HELZ: variants seen among roughly 807,000 people sequenced by gnomAD.
The protein encoded by HELZ is ATP-dependent RNA helicase with zinc finger domain.
Under a neutral mutation model 218.2 loss-of-function variants are expected in HELZ, and 23 were observed. That is an observed-to-expected ratio of 0.11 (90% CI 0.08 to 0.15). The LOEUF (loss-of-function observed/expected upper bound fraction) is 0.15. Ranked by LOEUF, HELZ falls within the 10% of genes least tolerant of loss-of-function variation. The pLI is 1.00. For synonymous variants in HELZ, 814 were observed against 829.4 expected, an observed-to-expected ratio of 0.98 and a Z score of 0.32; for missense variants, 1,813 against 2,353.7, an observed-to-expected ratio of 0.77 and a Z score of 4.75.
At chr17:67,106,399 C>T (rs1363055821) in intron 31 of HELZ, among the ~76,000 whole-genome samples, 3 of 151,504 alleles carry the variant, frequency 2.0e-5, no homozygotes, top group Non-Finnish European at 4.4e-5. Flanking sequence ...GCTCAGCCTC[C>T]CGGGTTCACG....
At chr17:67,222,224 C>A (rs2040766585) in intron 3 of HELZ, among the ~76,000 whole-genome samples, 1 of 152,102 alleles carries the variant, frequency 6.6e-6, no homozygotes, top group Non-Finnish European at 1.5e-5. Context: ...ATTACTTTAC[C>A]TACTTGACAG....
chr17:67,226,192 G>A (rs570611898), intron 3 of HELZ, among the ~76,000 whole-genome samples: 1 of 150,362 alleles, frequency 6.7e-6, no homozygotes, highest in East Asian at 2.0e-4. Flanking sequence ...ACAGGAGGCG[G>A]AGGTTGCAGT....
chr17:67,151,254 C>T lies in HELZ; in HGVS notation c.2178-30G>A, dbSNP rs187686465. 1.0e-4 allele frequency: 161 copies of T among 1,544,922 alleles called. No individual in the cohort carries two copies. In the African/African-American group the frequency reaches 1.7e-3, roughly 16 times the overall value. ...AAAAGAAGAAAATATTTCTGATTTA[C>T]ATTTACTAATTTCTTAACAGTATCT... On this transcript the variant is annotated intron_variant, in intron 17 of 32. Transcript: ENST00000358691.
intron 4 of HELZ, among the ~76,000 whole-genome samples, chr17:67,216,516 C>A (rs989773731): frequency 1.2e-4 from 18 of 152,210 alleles, no homozygotes; most frequent in African/African-American, 4.1e-4. Flanking sequence ...ATCTCTCCCA[C>A]TAGCTACCAT....
Position 67,086,943 on chromosome 17 carries a change from A to G in HELZ, c.5380T>C (p.Ser1794Pro). 6.2e-7 allele frequency: 1 copy of G among 1,613,788 alleles called. No individual in the cohort carries two copies. The highest frequency in any genetic ancestry group is 2.2e-5 in the East Asian group (1 of 44,846). Residue 1794 changes from serine (S) to proline (P), a missense_variant, in exon 32 of 33, where the codon TCT becomes CCT. Coordinates refer to ENST00000358691, the MANE Select transcript of HELZ (RefSeq NM_014877.4). ...TCCGGGGATGAAAAGTTGAAAGAAG[A>G]TTGGTTACTGTGGTCCTGAAGCTCT... ...CKELQDHSNQ[S>P]SFNFSSPESW... is the part of the protein sequence containing the mutation.
At chr17:67,197,805 A>G (rs1034030259) in intron 7 of HELZ, among the ~76,000 whole-genome samples, 1 of 152,218 alleles carries the variant, frequency 6.6e-6, no homozygotes, top group African/African-American at 2.4e-5. Flanking sequence ...AAACTCTGTA[A>G]TACTGTTTCC....
chr17:67,175,364 T>G (rs969064167), intron 13 of HELZ, among the ~76,000 whole-genome samples: 3 of 151,852 alleles, frequency 2.0e-5, no homozygotes, highest in Non-Finnish European at 4.4e-5. Flanking sequence ...CATAGACACC[T>G]CCCCCAAAAT....
intron 19 of HELZ, among the ~76,000 whole-genome samples, chr17:67,149,451 A>G (rs1001241664): frequency 3.3e-5 from 5 of 152,224 alleles, no homozygotes; most frequent in Non-Finnish European, 1.5e-5. Context: ...CTGTAATTTA[A>G]GCCCTCTATT....
intron 15 of HELZ, among the ~76,000 whole-genome samples, chr17:67,164,371 G>A (rs1360506998): frequency 6.6e-6 from 1 of 152,176 alleles, no homozygotes; most frequent in South Asian, 2.1e-4. Context: ...AATCTTAAAG[G>A]ATAGAGAGAT....
intron 7 of HELZ, among the ~76,000 whole-genome samples, chr17:67,200,273 C>T (rs1036328951): frequency 6.6e-6 from 1 of 152,174 alleles, no homozygotes; most frequent in Non-Finnish European, 1.5e-5. Context: ...TTACAAACCT[C>T]AGGGCCTTTT....
At position 67,189,572 on chromosome 17, in the gene HELZ, T is replaced by C; in HGVS notation, c.864+17A>G. ...TTAAACACAACTTTTATGCTTTAACTAGCACAAAATTCATACCTTACAAGT... is the reference window on the plus strand; with the variant it reads ...TTAAACACAACTTTTATGCTTTAACCAGCACAAAATTCATACCTTACAAGT... On this transcript the variant is annotated intron_variant, in intron 11 of 32. Coordinates refer to ENST00000358691, the MANE Select transcript of HELZ (RefSeq NM_014877.4). 6.6e-7 allele frequency: 1 copy of C among 1,515,984 alleles called. No individual in the cohort carries two copies. The highest frequency in any genetic ancestry group is 9.2e-7 in the Non-Finnish European group (1 of 1,092,778). The allele number at this position is 1,515,984 out of a possible 1,614,324, so 93.9% of individuals were successfully genotyped here.
At chr17:67,093,336 A>G (rs997243054) in intron 31 of HELZ, among the ~76,000 whole-genome samples, 7 of 152,242 alleles carry the variant, frequency 4.6e-5, no homozygotes, top group African/African-American at 9.6e-5. Flanking sequence ...GTATCAAAGT[A>G]TGACAGGAAA....
At position 67,077,926 on chromosome 17, in the gene HELZ, AACTTT is replaced by A. The variant is rs2036062165; in HGVS notation, c.*321_*325del. On this transcript the variant is annotated 3_prime_UTR_variant, in exon 33 of 33. Coordinates refer to ENST00000358691, the MANE Select transcript of HELZ (RefSeq NM_014877.4). ...TTTCTTTTTAAATACATTTTAGACA[AACTTT>A]TCTTTTTTTTTTTTTTTTTATAGTT... The A allele has an allele frequency of 6.2e-6, 1 of 162,070 alleles. No homozygotes were observed. Among genetic ancestry groups the A allele is most frequent in the African/African-American group, 2.4e-5 (1 of 41,458 alleles). The allele number at this position is 162,070 out of a possible 1,614,324, so 10.0% of individuals were successfully genotyped here.
Position 67,078,386 on chromosome 17 carries a change from C to T in HELZ, c.5695G>A (p.Ala1899Thr). Residue 1899 changes from alanine (A) to threonine (T), a missense_variant, in exon 33 of 33, where the codon GCT becomes ACT. Physicochemically the swap from Ala to Thr is moderately conservative, Grantham distance 58. This residue lies in a region of HELZ where 938 missense variants were observed against 1,027.5 expected (regional missense o/e 0.91). Transcript: ENST00000358691. ...CTGGGCTTTGGAGGGGCCCGCAGAG[C>T]GCTGGCATAGGACATGGCGGGCTTG... Reference protein sequence around the residue: ...GGKPAMSYASALRAPPKPRPP... With the variant: ...GGKPAMSYASTLRAPPKPRPP... 1.2e-6 allele frequency: 2 copies of T among 1,608,634 alleles called. No homozygotes were observed. The highest frequency in any genetic ancestry group is 8.5e-7 in the Non-Finnish European group (1 of 1,178,364).
At chr17:67,113,249 T>C (rs888759500) in intron 28 of HELZ, among the ~76,000 whole-genome samples, 1 of 152,036 alleles carries the variant, frequency 6.6e-6, no homozygotes, top group Non-Finnish European at 1.5e-5. Context: ...TATGTGGTAG[T>C]TGAAGAGGAG....
At position 67,193,999 on chromosome 17, in the gene HELZ, G is replaced by A. The variant is rs375728224; in HGVS notation, c.525C>T (p.Ile175=). ...GWHFRPPPRG[I]TSSEEYTLCK... is the part of the protein sequence containing the mutation. ...ACAAAGTATATTCCTCGCTGCTTGTGATTCCCCTAGGTGGTGGGCGGAAAT... is the reference window on the plus strand; with the variant it reads ...ACAAAGTATATTCCTCGCTGCTTGTAATTCCCCTAGGTGGTGGGCGGAAAT... The change falls in exon 9 of 33, where the codon ATC becomes ATT. Residue 175 remains isoleucine, a synonymous_variant. Coordinates refer to ENST00000358691, the MANE Select transcript of HELZ (RefSeq NM_014877.4). 5.0e-6 allele frequency: 8 copies of A among 1,613,588 alleles called. No individual in the cohort carries two copies. The African/African-American group carries it at 1.1e-4, about 22-fold the overall frequency.
In HELZ at chr17:67,178,801, T is replaced by C. The variant is rs535909295; in HGVS notation, c.1288A>G (p.Ile430Val). 6.2e-7 allele frequency: 1 copy of C among 1,613,972 alleles called. No homozygotes were observed. The highest frequency in any genetic ancestry group is 1.1e-5 in the South Asian group (1 of 91,082). Residue 430 changes from isoleucine to valine, a missense_variant, in exon 13 of 33, where the codon ATC becomes GTC. Physicochemically the swap from Ile to Val is conservative, Grantham distance 29 (BLOSUM62 3). Coordinates refer to ENST00000358691, the MANE Select transcript of HELZ (RefSeq NM_014877.4). ...GCAGAGAGGGGAATTTGGTATCTGA[T>C]AAGAAGGCTCTTCTCCAAATCAGTA... ...ETTDLEKSLL[I>V]RYQIPLSADQ...
At chr17:67,167,099 C>A (rs8073568) in intron 14 of HELZ, among the ~76,000 whole-genome samples, 7,688 of 152,148 alleles carry the variant, frequency 0.051, 670 homozygotes, top group African/African-American at 0.18. Flanking sequence ...ATATGGCAGA[C>A]TGAAGACATA....
chr17:67,104,379 C>T (rs2037028464), intron 31 of HELZ, among the ~76,000 whole-genome samples: 1 of 149,482 alleles, frequency 6.7e-6, no homozygotes, highest in African/African-American at 2.5e-5. Flanking sequence ...GCGGAGCTTG[C>T]AGTGAGCCGA....
Sources: allele counts gnomAD v4.1 joint callset (sites outside exome capture counted in the v4.1 genomes callset), GRCh38; gene constraint gnomAD v4.1.1; regional missense constraint gnomAD v4.1.1; transcripts MANE v1.5; gene names NCBI Gene and HGNC (gene_info 2026-07-23, HGNC 2026-07-21).